Variants in ZNF680 observed in about 807,000 individuals in gnomAD.
The protein encoded by ZNF680 is hypothetical protein FLJ90430.
Under a neutral mutation model 12.1 loss-of-function variants are expected in ZNF680, and 6 were observed. The ratio of observed to expected loss-of-function variants is 0.49; its 90% CI spans 0.27 to 0.98. ZNF680 has a LOEUF of 0.98. Ranked by LOEUF, ZNF680 falls within the 50% of genes least tolerant of loss-of-function variation. The pLI, the probability that ZNF680 is intolerant of heterozygous loss-of-function variation, is 0.12. For missense variants in ZNF680, 561 were observed against 616.3 expected (o/e 0.91, Z 0.95); for synonymous variants, 170 against 199.3 (o/e 0.85, Z 1.24).
chr7:64,526,090 AC>A, intron 3 of ZNF680: 2 of 947,708 alleles, frequency 2.1e-6, no homozygotes, highest in Non-Finnish European at 2.5e-6. Flanking sequence ...AATATATAAA[AC>A]AAAAATATAA....
chr7:64,507,751 G>A, the ZNF680 span, among the ~76,000 whole-genome samples: 1 of 149,142 alleles, frequency 6.7e-6, no homozygotes, highest in African/African-American at 2.5e-5. Context: ...ACTTTTCTTA[G>A]AAAAAAGAGA....
intron 2 of ZNF680, 154 bp downstream of exon 2, chr7:64,544,152 A>C (rs1786654252): frequency 8.5e-7 from 1 of 1,171,104 alleles, no homozygotes; most frequent in Non-Finnish European, 1.2e-6. Context: ...GTACTGAAGG[A>C]ATTTTTTTCT....
At chr7:64,561,265 C>T in intron 1 of ZNF680, 1 of 153,930 alleles carries the variant, frequency 6.5e-6, no homozygotes, top group Middle Eastern at 1.2e-3. Flanking sequence ...CTTTGTACCT[C>T]AGGCAGTCCT....
intron 3 of ZNF680, among the ~76,000 whole-genome samples, chr7:64,532,861 TG>T (rs1427101338): frequency 3.9e-5 from 6 of 152,238 alleles, no homozygotes; most frequent in African/African-American, 1.4e-4. Flanking sequence ...GATGCAGAGA[TG>T]GTTTAATATA....
chr7:64,535,718 T>C (rs1409971489), intron 3 of ZNF680, among the ~76,000 whole-genome samples: 2 of 151,838 alleles, frequency 1.3e-5, no homozygotes, highest in Non-Finnish European at 2.9e-5. Context: ...CCGAAGCAGG[T>C]GAATCACTTG....
the ZNF680 span, among the ~76,000 whole-genome samples, chr7:64,514,867 A>T: frequency 6.6e-6 from 1 of 152,200 alleles, no homozygotes; most frequent in Non-Finnish European, 1.5e-5. Context: ...AACATGGAGA[A>T]ACCCAGTTTC....
chr7:64,540,264 T>C (rs980282709), intron 3 of ZNF680, among the ~76,000 whole-genome samples: 1 of 151,000 alleles, frequency 6.6e-6, no homozygotes, highest in Admixed American at 6.6e-5. Context: ...AGCACACACA[T>C]ATACAAACTG....
At chr7:64,523,075 A>G (rs967521478) in intron 3 of ZNF680, among the ~76,000 whole-genome samples, 14 of 152,168 alleles carry the variant, frequency 9.2e-5, no homozygotes, top group Non-Finnish European at 1.9e-4. Flanking sequence ...ATTATATAAA[A>G]ATACATAACT....
chr7:64,532,024 G>A (rs1469191452), intron 3 of ZNF680, among the ~76,000 whole-genome samples: 2 of 152,112 alleles, frequency 1.3e-5, no homozygotes, highest in African/African-American at 2.4e-5. Context: ...AACATAAATA[G>A]GCCAGGCACG....
At chr7:64,514,051 T>C in the ZNF680 span, among the ~76,000 whole-genome samples, 1 of 152,208 alleles carries the variant, frequency 6.6e-6, no homozygotes, top group Non-Finnish European at 1.5e-5. Context: ...TAAAATTTTA[T>C]TTCAGAATAT....
intron 1 of ZNF680, among the ~76,000 whole-genome samples, chr7:64,554,104 G>A (rs1290506054): frequency 2.5e-4 from 37 of 147,700 alleles, no homozygotes; most frequent in African/African-American, 8.1e-4. Context: ...AGTGAGGAGC[G>A]CCTCTTCCCG....
intron 1 of ZNF680, among the ~76,000 whole-genome samples, chr7:64,560,271 G>T (rs923811285): frequency 6.6e-5 from 10 of 151,758 alleles, no homozygotes; most frequent in South Asian, 2.1e-4. Context: ...GTACCACCAC[G>T]CCCGGCTAAT....
Position 64,521,168 on chromosome 7 carries a change from T to C in ZNF680, c.1586A>G (p.Asn529Ser). The C allele has an allele frequency of 6.2e-7, 1 of 1,605,568 alleles. No homozygotes were observed. Among genetic ancestry groups the C allele is most frequent in the Non-Finnish European group, 8.5e-7 (1 of 1,176,662 alleles). The change falls in exon 4 of 4, where the codon AAC becomes AGC. Residue 529 changes from asparagine (N) to serine (S), a missense_variant. Coordinates refer to ENST00000309683, the MANE Select transcript of ZNF680 (RefSeq NM_178558.5). ...TTTATGTTTAGAAAAGTTTTAGGTG[T>C]TATCAAAATTATTGTCACATTTTTC... is the stretch of plus-strand genomic sequence containing the variant. ...KPEKCDNNFD[N>S]T
chr7:64,536,733 A>G (rs920791125), intron 3 of ZNF680, among the ~76,000 whole-genome samples: 4 of 152,246 alleles, frequency 2.6e-5, no homozygotes, highest in Non-Finnish European at 5.9e-5. Context: ...TCTTATTTGC[A>G]CCTAGTGTAT....
the ZNF680 span, among the ~76,000 whole-genome samples, chr7:64,505,844 G>T: frequency 6.6e-5 from 10 of 151,412 alleles, no homozygotes; most frequent in African/African-American, 2.4e-4. Context: ...AGGCAGGAAT[G>T]ATGACAATAT....
intron 3 of ZNF680, among the ~76,000 whole-genome samples, chr7:64,543,427 C>T (rs1584385549): frequency 6.6e-6 from 1 of 152,274 alleles, no homozygotes; most frequent in Non-Finnish European, 1.5e-5. Flanking sequence ...AACAATGGAA[C>T]ATCAGTCAGA....
chr7:64,523,443 A>G (rs1443031312), intron 3 of ZNF680, among the ~76,000 whole-genome samples: 1 of 152,110 alleles, frequency 6.6e-6, no homozygotes, highest in Non-Finnish European at 1.5e-5. Context: ...CAATACAAAA[A>G]TCAACAAGAC....
At chr7:64,556,462 G>A (rs1253194231) in intron 1 of ZNF680, among the ~76,000 whole-genome samples, 1 of 151,938 alleles carries the variant, frequency 6.6e-6, no homozygotes, top group Non-Finnish European at 1.5e-5. Context: ...CAGAATAAGA[G>A]AGCCCAGAAA....
chr7:64,513,360 T>C, the ZNF680 span, among the ~76,000 whole-genome samples: 1 of 152,018 alleles, frequency 6.6e-6, no homozygotes, highest in African/African-American at 2.4e-5. Flanking sequence ...AAAAGAATTG[T>C]AAAAATTAAT....
Sources: gnomAD v4.1 joint callset for allele counts (sites outside exome capture counted in the v4.1 genomes callset) on GRCh38, gnomAD v4.1.1 for gene constraint, MANE v1.5 for transcripts, NCBI Gene and HGNC (gene_info 2026-07-23, HGNC 2026-07-21) for gene names.